The following IMMP2L variants were observed in gnomAD, a reference collection of about 807,000 sequenced individuals.
IMMP2L encodes inner mitochondrial membrane peptidase subunit 2.
Under a neutral mutation model 19.3 loss-of-function variants are expected in IMMP2L, and 18 were observed. That is an observed-to-expected ratio of 0.93 (90% CI 0.64 to 1.38). The LOEUF is 1.38. IMMP2L is among the 40% of genes most tolerant of loss of function. The pLI is 0.00. For missense variants in IMMP2L, 233 were observed against 218.2 expected, an observed-to-expected ratio of 1.07 and a Z score of -0.43; for synonymous variants, 76 against 73.0, an observed-to-expected ratio of 1.04 and a Z score of -0.21.
intron 3 of IMMP2L, among the ~76,000 whole-genome samples, chr7:111,252,545 A>T (rs1233037170): frequency 1.3e-5 from 2 of 152,182 alleles, no homozygotes; most frequent in African/African-American, 4.8e-5. Context: ...AAATGTGACA[A>T]GGAATAATTT....
Position 110,925,194 on chromosome 7 carries a change from C to T in IMMP2L, c.305+38306G>A, listed in dbSNP as rs924615395. The stretch of plus-strand genomic sequence containing the variant: ...TGGATATAGCTTTTATATTTCTATA[C>T]GGATATACTGTTGAGTGAACAGAAA... On this transcript the variant is annotated intron_variant, in intron 4 of 5. Transcript: ENST00000405709. Among the ~76,000 whole-genome samples, 8 of 151,992 alleles carry T rather than the reference C, an allele frequency of 5.3e-5. No homozygotes were observed. The East Asian group carries it at 5.8e-4, about 11-fold the overall frequency.
chr7:111,236,778 C>T (rs1814373692), intron 3 of IMMP2L, among the ~76,000 whole-genome samples: 1 of 152,050 alleles, frequency 6.6e-6, no homozygotes, highest in Admixed American at 6.6e-5. Context: ...CTGTGCTGGG[C>T]CCTGGAAAAA....
chr7:111,152,897 T>C (rs778663469), intron 3 of IMMP2L, among the ~76,000 whole-genome samples: 9 of 152,096 alleles, frequency 5.9e-5, no homozygotes, highest in Non-Finnish European at 1.3e-4. Flanking sequence ...GCCAGGTAAA[T>C]AGTGGATAGC....
At chr7:110,874,303 G>T (rs1021503229) in intron 5 of IMMP2L, among the ~76,000 whole-genome samples, 1 of 151,938 alleles carries the variant, frequency 6.6e-6, no homozygotes, top group Non-Finnish European at 1.5e-5. Context: ...TCAATTTTGG[G>T]TAGTCTCTAT....
intron 4 of IMMP2L, among the ~76,000 whole-genome samples, chr7:110,955,365 A>G (rs982466300): frequency 6.6e-6 from 1 of 151,898 alleles, no homozygotes; most frequent in Non-Finnish European, 1.5e-5. Flanking sequence ...TCCATAATAC[A>G]CTAATAATTT....
At chr7:111,250,842 A>C (rs1478981958) in intron 3 of IMMP2L, among the ~76,000 whole-genome samples, 4 of 152,104 alleles carry the variant, frequency 2.6e-5, no homozygotes, top group African/African-American at 9.7e-5. Context: ...GACATAGGCA[A>C]AGGCAAAGAG....
At chr7:110,704,635 T>A (rs1158184813) in intron 5 of IMMP2L, among the ~76,000 whole-genome samples, 2 of 152,210 alleles carry the variant, frequency 1.3e-5, no homozygotes, top group Non-Finnish European at 2.9e-5. Flanking sequence ...CTGACCCAGT[T>A]TGTCAAGTGT....
intron 3 of IMMP2L, among the ~76,000 whole-genome samples, chr7:111,188,597 G>A (rs897712465): frequency 1.3e-5 from 2 of 152,102 alleles, no homozygotes; most frequent in South Asian, 2.1e-4. Context: ...CAGTCCATAA[G>A]AGCTTATTAG....
intron 3 of IMMP2L, among the ~76,000 whole-genome samples, chr7:111,347,730 GA>G (rs912595326): frequency 9.2e-5 from 14 of 151,806 alleles, no homozygotes; most frequent in Non-Finnish European, 1.9e-4. Flanking sequence ...TAGAATATAT[GA>G]AAAAAACAGG....
chr7:111,034,202 T>C (rs1791114197), intron 3 of IMMP2L, among the ~76,000 whole-genome samples: 1 of 152,148 alleles, frequency 6.6e-6, no homozygotes, highest in Non-Finnish European at 1.5e-5. Context: ...ACGTATTCAA[T>C]TCTTCCTTGA....
chr7:111,397,809 G>A (rs1426497682), intron 3 of IMMP2L, among the ~76,000 whole-genome samples: 1 of 151,972 alleles, frequency 6.6e-6, no homozygotes, highest in African/African-American at 2.4e-5. Context: ...TACTTTTCCA[G>A]GTTCTCATTC....
chr7:111,434,341 T>C (rs1169373913), intron 3 of IMMP2L, among the ~76,000 whole-genome samples: 1 of 150,884 alleles, frequency 6.6e-6, no homozygotes, highest in Non-Finnish European at 1.5e-5. Context: ...CAAAAGCCAA[T>C]GCAACAAAAA....
chr7:110,995,723 T>G (rs574131578), intron 3 of IMMP2L, among the ~76,000 whole-genome samples: 2 of 152,236 alleles, frequency 1.3e-5, no homozygotes, highest in South Asian at 4.1e-4. Context: ...TTAGGAACCC[T>G]GGACCAGGGA....
At chr7:111,261,427 A>G (rs1817300150) in intron 3 of IMMP2L, among the ~76,000 whole-genome samples, 1 of 152,094 alleles carries the variant, frequency 6.6e-6, no homozygotes, top group Non-Finnish European at 1.5e-5. Flanking sequence ...AGTCAGAAAT[A>G]TTTTTTAAAA....
intron 5 of IMMP2L, among the ~76,000 whole-genome samples, chr7:110,672,195 C>T (rs1211216544): frequency 6.6e-6 from 1 of 151,966 alleles, no homozygotes; most frequent in Non-Finnish European, 1.5e-5. Flanking sequence ...GCAAACATGT[C>T]CTTCTTCACA....
At chr7:111,370,759 A>G (rs1312917002) in intron 3 of IMMP2L, among the ~76,000 whole-genome samples, 1 of 151,950 alleles carries the variant, frequency 6.6e-6, no homozygotes, top group Non-Finnish European at 1.5e-5. Flanking sequence ...GTATATAGCC[A>G]TATTTTTTTT....
intron 3 of IMMP2L, among the ~76,000 whole-genome samples, chr7:111,342,860 T>A (rs1043024379): frequency 6.6e-6 from 1 of 152,088 alleles, no homozygotes; most frequent in Admixed American, 6.6e-5. Flanking sequence ...TTATATGATT[T>A]CTTTAAAATT....
At chr7:111,120,798 T>A (rs1800504287) in intron 3 of IMMP2L, among the ~76,000 whole-genome samples, 1 of 152,126 alleles carries the variant, frequency 6.6e-6, no homozygotes, top group Non-Finnish European at 1.5e-5. Flanking sequence ...TACCACTACA[T>A]CTAGCTTACT....
chr7:110,998,040 T>C (rs1038529240), intron 3 of IMMP2L, among the ~76,000 whole-genome samples: 3 of 152,138 alleles, frequency 2.0e-5, no homozygotes, highest in Non-Finnish European at 1.5e-5. Flanking sequence ...CCTTCCATAA[T>C]GTATCATTAT....
Sources: allele counts gnomAD v4.1 joint callset (sites outside exome capture counted in the v4.1 genomes callset), GRCh38; gene constraint gnomAD v4.1.1; transcripts MANE v1.5; gene names NCBI Gene and HGNC (gene_info 2026-07-23, HGNC 2026-07-21).